SDK1: variants seen among roughly 807,000 people sequenced by gnomAD.
SDK1 encodes the protein sidekick cell adhesion molecule 1.
Under a neutral mutation model 245.5 loss-of-function variants are expected in SDK1, and 157 were observed. The ratio of observed to expected loss-of-function variants is 0.64; its 90% confidence interval spans 0.56 to 0.73. The LOEUF is 0.73. SDK1 is among the 30% of genes least tolerant of loss of function. The probability of loss-of-function intolerance (pLI) is 0.00; values close to 1 mark genes in which losing one functional copy is unlikely to be tolerated. For synonymous variants in SDK1, 1,647 were observed against 1,278.5 expected (o/e 1.29, Z -6.15); for missense variants, 3,583 against 3,002.3 (o/e 1.19, Z -4.52).
At chr7:3,841,599 C>G (rs1780160300) in intron 5 of SDK1, among the ~76,000 whole-genome samples, 1 of 150,400 alleles carries the variant, frequency 6.6e-6, no homozygotes, top group African/African-American at 2.5e-5. Flanking sequence ...CGGAGTTTTG[C>G]TCTGTCACCC....
chr7:4,067,660 A>T (rs1338872854), intron 19 of SDK1, among the ~76,000 whole-genome samples, 178 bp from the exon 20 acceptor site: 1 of 152,154 alleles, frequency 6.6e-6, no homozygotes, highest in African/African-American at 2.4e-5. Context: ...AATGTGTGTG[A>T]TGATAGCCAG....
intron 1 of SDK1, among the ~76,000 whole-genome samples, chr7:3,418,136 A>G (rs1418672630): frequency 9.9e-6 from 1 of 101,418 alleles, no homozygotes; most frequent in African/African-American, 3.5e-5. Flanking sequence ...CCCGATCTCT[A>G]CTAAAAATGA....
rs56740561 is a variant in SDK1 at position 3,929,168 on chromosome 7, T to G, written c.848-21755T>G. Among the ~76,000 whole-genome samples the G allele has an allele frequency of 5.3e-3, 812 of 152,304 alleles. 7 individuals carry two copies. The highest frequency in any genetic ancestry group is 0.018 in the African/African-American group (759 of 41,572). ...TTGTCCTTGCCCTTGGTTAAACGGT[T>G]ATCTGAAGTTGGCTTATATTCATCC... On this transcript the variant is annotated intron_variant, in intron 5 of 44. Transcript: ENST00000404826.
At chr7:3,795,511 G>C (rs1487706186) in intron 4 of SDK1, among the ~76,000 whole-genome samples, 1 of 152,142 alleles carries the variant, frequency 6.6e-6, no homozygotes, top group Non-Finnish European at 1.5e-5. Flanking sequence ...TGACTTTAAA[G>C]AGCAAAGCTA....
chr7:3,580,648 TAAATGTA>T (rs1428345116), intron 1 of SDK1, among the ~76,000 whole-genome samples: 1 of 151,980 alleles, frequency 6.6e-6, no homozygotes, highest in Non-Finnish European at 1.5e-5. Flanking sequence ...ATTAAAGACT[TAAATGTA>T]AAACCCAAAA....
chr7:3,685,193 A>G (rs1403863051), intron 4 of SDK1, among the ~76,000 whole-genome samples: 1 of 141,500 alleles, frequency 7.1e-6, no homozygotes, highest in Admixed American at 7.4e-5. Flanking sequence ...CACATCATAA[A>G]TAAACTTGTG....
intron 1 of SDK1, among the ~76,000 whole-genome samples, chr7:3,588,491 C>G (rs771043232): frequency 1.3e-5 from 2 of 152,160 alleles, no homozygotes; most frequent in Admixed American, 1.3e-4. Flanking sequence ...TTTAGTTTTT[C>G]TTCTGTGAGG....
At chr7:3,731,876 C>A (rs934304915) in intron 4 of SDK1, among the ~76,000 whole-genome samples, 1 of 152,156 alleles carries the variant, frequency 6.6e-6, no homozygotes, top group Non-Finnish European at 1.5e-5. Flanking sequence ...ACTGCAACCT[C>A]CACTTCCCAG....
chr7:4,208,411 C>A, intron 37 of SDK1, 126 bp downstream of exon 37: 2 of 786,444 alleles, frequency 2.5e-6, no homozygotes, highest in Non-Finnish European at 4.1e-6. Context: ...TTTTGAGTAG[C>A]TGGGAGTTTC....
At chr7:3,490,240 T>A (rs1354527253) in intron 1 of SDK1, among the ~76,000 whole-genome samples, 2 of 152,234 alleles carry the variant, frequency 1.3e-5, no homozygotes, top group African/African-American at 4.8e-5. Context: ...GATTATTAAG[T>A]TCTTTTCATA....
chr7:3,391,749 G>C (rs1423685904), intron 1 of SDK1, among the ~76,000 whole-genome samples: 1 of 148,776 alleles, frequency 6.7e-6, no homozygotes, highest in African/African-American at 2.5e-5. Flanking sequence ...TGATCCTCCT[G>C]TCTCAGCCTC....
intron 14 of SDK1, among the ~76,000 whole-genome samples, chr7:3,991,202 T>C (rs1784285466): frequency 6.6e-6 from 1 of 152,132 alleles, no homozygotes; most frequent in Non-Finnish European, 1.5e-5. Flanking sequence ...AGGGACAGCA[T>C]CAGCAAGGAC....
At chr7:3,950,120 C>T (rs371013940) in intron 5 of SDK1, among the ~76,000 whole-genome samples, 1 of 152,220 alleles carries the variant, frequency 6.6e-6, no homozygotes, top group East Asian at 1.9e-4. Flanking sequence ...AATAAAGCCC[C>T]TCAGCCACAC....
At chr7:3,621,467 A>T (rs1781935921) in intron 2 of SDK1, among the ~76,000 whole-genome samples, 1 of 152,222 alleles carries the variant, frequency 6.6e-6, no homozygotes, top group Admixed American at 6.5e-5. Flanking sequence ...CAAAGAACCC[A>T]GATTGTTCTT....
At chr7:3,907,877 T>A (rs1323062861) in intron 5 of SDK1, among the ~76,000 whole-genome samples, 3 of 152,216 alleles carry the variant, frequency 2.0e-5, no homozygotes, top group Non-Finnish European at 4.4e-5. Flanking sequence ...CAGTGTGAGT[T>A]TCAGTGGAAC....
intron 1 of SDK1, among the ~76,000 whole-genome samples, chr7:3,558,375 G>C (rs980970319): frequency 2.2e-4 from 34 of 152,328 alleles, no homozygotes; most frequent in Admixed American, 1.4e-3. Context: ...TGCCTGCAGT[G>C]GAATCATTGG....
chr7:3,433,095 A>G (rs951771359), intron 1 of SDK1, among the ~76,000 whole-genome samples: 1 of 152,206 alleles, frequency 6.6e-6, no homozygotes, highest in African/African-American at 2.4e-5. Flanking sequence ...CTATCCCCAG[A>G]GATTCCAGTC....
chr7:3,786,689 C>T (rs572199925), intron 4 of SDK1, among the ~76,000 whole-genome samples: 2 of 152,122 alleles, frequency 1.3e-5, no homozygotes, highest in Non-Finnish European at 2.9e-5. Context: ...GTTCTCTGGT[C>T]TTTTTCTCGC....
chr7:3,567,490 G>C (rs1021459435), intron 1 of SDK1, among the ~76,000 whole-genome samples: 2 of 152,166 alleles, frequency 1.3e-5, no homozygotes, highest in Non-Finnish European at 2.9e-5. Flanking sequence ...AGACTAAGTG[G>C]TCAAAAATTC....
Sources: allele counts gnomAD v4.1 joint callset (sites outside exome capture counted in the v4.1 genomes callset), GRCh38; gene constraint gnomAD v4.1.1; transcripts MANE v1.5; gene names NCBI Gene and HGNC (gene_info 2026-07-23, HGNC 2026-07-21).